BLZF1: variants seen among roughly 807,000 people sequenced by gnomAD.
The protein encoded by BLZF1 is golgin-45.
BLZF1 carries 39 observed loss-of-function variants against 43.8 expected under a neutral mutation model. The ratio of observed to expected loss-of-function variants is 0.89; its 90% confidence interval spans 0.69 to 1.16. BLZF1 has a LOEUF of 1.16. BLZF1 is among the 50% of genes most tolerant of loss of function. BLZF1 has a pLI of 0.00. For synonymous variants in BLZF1, 136 were observed against 159.4 expected (o/e 0.85, Z 1.11); for missense variants, 449 against 469.8 (o/e 0.96, Z 0.41).
chr1:169,383,243 T>C (rs1010807331), intron 6 of BLZF1, among the ~76,000 whole-genome samples: 1 of 152,162 alleles, frequency 6.6e-6, no homozygotes, highest in Non-Finnish European at 1.5e-5. Context: ...TCATTAGATA[T>C]CTAGAAGCCT....
chr1:169,395,264 C>G, intron 7 of BLZF1: 1 of 1,420,622 alleles, frequency 7.0e-7, no homozygotes, highest in Non-Finnish European at 9.4e-7. Context: ...ACTCTTCATG[C>G]TATAAAGTTA....
downstream of BLZF1, among the ~76,000 whole-genome samples, chr1:169,392,887 C>T (rs1460090045): frequency 6.6e-6 from 1 of 152,184 alleles, no homozygotes; most frequent in Non-Finnish European, 1.5e-5. Flanking sequence ...TTCCACGACC[C>T]TTCCTCCATA....
At chr1:169,392,524 ATG>A (rs1422429357), downstream of BLZF1, among the ~76,000 whole-genome samples, 2 of 152,200 alleles carry the variant, frequency 1.3e-5, no homozygotes, top group Admixed American at 1.3e-4. Context: ...TTGAACCTCT[ATG>A]TGATATTGCG....
In BLZF1 at chr1:169,376,775, A is replaced by G. The variant is rs1246095931; in HGVS notation, c.264A>G (p.Ile88Met). 6.2e-7 allele frequency: 1 copy of G among 1,613,448 alleles called. No homozygotes were observed. Among genetic ancestry groups the G allele is most frequent in the East Asian group, 2.2e-5 (1 of 44,864 alleles). ...AVRILVPKAA[I>M]THDIPNKNTK... ...GAATATTAGTTCCCAAAGCTGCTAT[A>G]ACTCATGATATCCCCAACAAAAATA... Residue 88 changes from isoleucine to methionine, a missense_variant, in exon 3 of 7, where the codon ATA (isoleucine) becomes ATG (methionine). Transcript: ENST00000367808.
chr1:169,368,808 A>G (rs7527703), intron 1 of BLZF1, among the ~76,000 whole-genome samples: 40,335 of 152,022 alleles, frequency 0.27, 6,711 homozygotes, highest in Non-Finnish European at 0.38. Context: ...CTTTTTTTGT[A>G]GTGAAACCAG....
chr1:169,393,590 A>G (rs1305942497), intron 7 of BLZF1, among the ~76,000 whole-genome samples: 2 of 82,118 alleles, frequency 2.4e-5, no homozygotes, highest in African/African-American at 6.2e-5. Context: ...GTCTAAGGGA[A>G]AAAAAAAAAC....
chr1:169,394,309 C>T, intron 7 of BLZF1, among the ~76,000 whole-genome samples: 1 of 152,164 alleles, frequency 6.6e-6, no homozygotes, highest in Middle Eastern at 3.2e-3. Flanking sequence ...TAGTATTACA[C>T]ATAATTGCTA....
intron 3 of BLZF1, among the ~76,000 whole-genome samples, chr1:169,378,044 G>A (rs1426831692): frequency 1.3e-5 from 2 of 151,504 alleles, no homozygotes; most frequent in African/African-American, 4.8e-5. Context: ...TTTCCTTTAA[G>A]TGTTGACTAG....
In BLZF1 at chr1:169,382,180, G is replaced by A. The variant is rs1376792527; in HGVS notation, c.916G>A (p.Val306Ile). ...AACAAATCACAAGTTGGCAAAAGCA[G>A]TAAATTCTCATCTTCTGGGAAATGT... ...ALTNHKLAKA[V>I]NSHLLGNVGI... Residue 306 changes from valine (V) to isoleucine (I), a missense_variant, in exon 6 of 7, where the codon GTA becomes ATA. Coordinates refer to ENST00000367808, the MANE Select transcript of BLZF1 (RefSeq NM_001320973.2). 6.2e-7 allele frequency: 1 copy of A among 1,613,796 alleles called. No homozygotes were observed.
intron 6 of BLZF1, among the ~76,000 whole-genome samples, chr1:169,383,995 G>C (rs1277471219): frequency 6.6e-6 from 1 of 152,024 alleles, no homozygotes; most frequent in Non-Finnish European, 1.5e-5. Flanking sequence ...TTCTGAGTCT[G>C]AGAGATTTAT....
At chr1:169,394,501 G>A (rs944656691) in intron 7 of BLZF1, among the ~76,000 whole-genome samples, 1 of 152,008 alleles carries the variant, frequency 6.6e-6, no homozygotes, top group African/African-American at 2.4e-5. Context: ...AGTCCCCAGT[G>A]TCTACTGGGG....
chr1:169,374,715 A>C (rs576091075), intron 2 of BLZF1, among the ~76,000 whole-genome samples: 2 of 152,270 alleles, frequency 1.3e-5, no homozygotes, highest in South Asian at 4.1e-4. Context: ...TATAACTTTA[A>C]GATTTACATA....
In BLZF1 at chr1:169,376,681, C is replaced by G; in HGVS notation, c.170C>G (p.Ser57Ter). ...LQSPWKKAVP[S>*]ESPGVLQLGK... is the part of the protein sequence containing the mutation. ...AGTCCATGGAAGAAAGCAGTTCCAT[C>G]AGAGAGCCCAGGAGTTCTTCAGCTA... is the stretch of plus-strand genomic sequence containing the variant. The change falls in exon 3 of 7, where the codon TCA becomes TGA. Residue 57 changes from serine (S) to a stop codon, truncating the protein, a stop_gained. Transcript: ENST00000367808. LOFTEE classifies it high-confidence loss of function. 6.2e-7 allele frequency: 1 copy of G among 1,613,404 alleles called. No homozygotes were observed. The highest frequency in any genetic ancestry group is 2.2e-5 in the East Asian group (1 of 44,850).
Position 169,387,367 on chromosome 1 carries a change from GGAAA to G in BLZF1, c.*194_*197del, listed in dbSNP as rs1196327747. The G allele has an allele frequency of 1.2e-5, 6 of 521,044 alleles. No homozygotes were observed. Among genetic ancestry groups the G allele is most frequent in the Admixed American group, 4.0e-5 (1 of 25,266 alleles). 32.3% of individuals were successfully genotyped at this position (521,044 alleles called of 1,614,324 possible). ...TTTCTTAATAAATATCTCAGGGTAA[GGAAA>G]GAAAGAAACTGTATAGATATATTTA... On this transcript the variant is annotated 3_prime_UTR_variant, in exon 7 of 7. Transcript: ENST00000367808.
chr1:169,374,693 A>G (rs767191951), intron 2 of BLZF1, among the ~76,000 whole-genome samples: 4 of 152,132 alleles, frequency 2.6e-5, no homozygotes, highest in South Asian at 2.1e-4. Flanking sequence ...AAATAGTCCT[A>G]TAGTCTAGCA....
At position 169,380,667 on chromosome 1, in the gene BLZF1, G is replaced by A. The variant is rs956756460; in HGVS notation, c.797+58G>A. 4.4e-6 allele frequency: 7 copies of A among 1,587,358 alleles called. No homozygotes were observed. The African/African-American group carries it at 5.4e-5, about 12-fold the overall frequency. On this transcript the variant is annotated intron_variant, in intron 5 of 6. Coordinates refer to ENST00000367808, the MANE Select transcript of BLZF1 (RefSeq NM_001320973.2). ...GCTTTCTCCTGCAAATTAAGTTATT[G>A]TAGTTTTGGTTTTTTTGTTTGTTTG...
At chr1:169,377,921 T>C (rs1654409181) in intron 3 of BLZF1, among the ~76,000 whole-genome samples, 1 of 152,066 alleles carries the variant, frequency 6.6e-6, no homozygotes, top group South Asian at 2.1e-4. Context: ...GCTTTATTTT[T>C]TAAAAGTAAA....
At chr1:169,378,590 T>C (rs1654437717) in intron 4 of BLZF1, 61 bp downstream of exon 4, 1 of 1,512,230 alleles carries the variant, frequency 6.6e-7, no homozygotes, top group Non-Finnish European at 9.1e-7. Context: ...GTTTTTGATC[T>C]ATAACACAAG....
chr1:169,379,494 C>T (rs1417530864), intron 4 of BLZF1, among the ~76,000 whole-genome samples: 2 of 151,912 alleles, frequency 1.3e-5, no homozygotes, highest in South Asian at 4.1e-4. Context: ...AGAGGCAAAT[C>T]ATGAATATAT....
Sources: allele counts gnomAD v4.1 joint callset (sites outside exome capture counted in the v4.1 genomes callset), GRCh38; gene constraint gnomAD v4.1.1; transcripts MANE v1.5; gene names NCBI Gene and HGNC (gene_info 2026-07-23, HGNC 2026-07-21).